RERE: variants seen among roughly 807,000 people sequenced by gnomAD.
RERE encodes the protein arginine-glutamic acid dipeptide repeats.
A neutral mutation model predicts 146.1 loss-of-function variants in RERE; 40 were observed. The ratio of observed to expected loss-of-function variants is 0.27; its 90% confidence interval spans 0.21 to 0.36. The LOEUF (loss-of-function observed/expected upper bound fraction) is 0.36, where lower values mean the gene tolerates loss of function less well. Ranked by LOEUF, RERE falls within the 10% of genes least tolerant of loss-of-function variation. RERE has a pLI of 1.00. For synonymous variants in RERE, 1,003 were observed against 866.0 expected, an observed-to-expected ratio of 1.16 and a Z score of -2.78; for missense variants, 1,933 against 2,138.7, an observed-to-expected ratio of 0.90 and a Z score of 1.90.
chr1:8,623,541 A>G (rs1570528522), intron 3 of RERE, among the ~76,000 whole-genome samples: 4 of 152,222 alleles, frequency 2.6e-5, no homozygotes, highest in Admixed American at 2.0e-4. Context: ...TACTGAAAAC[A>G]GGCTGAAAAA....
At position 8,727,826 on chromosome 1, in the gene RERE, C is replaced by A. The variant is rs1326635424; in HGVS notation, c.-144-71385G>T. The stretch of plus-strand genomic sequence containing the variant: ...CTATTCTTAAAGGTCAGCAGTACTT[C>A]CCCAAAGGACAGGAATGCACCCCAA... On this transcript the variant is annotated intron_variant, in intron 1 of 22. Transcript: ENST00000400908. 2.0e-5 allele frequency among the ~76,000 whole-genome samples: 3 copies of A among 152,170 alleles called. No individual in the cohort carries two copies. The East Asian group carries it at 5.8e-4, about 29-fold the overall frequency.
In RERE at chr1:8,633,454, G is replaced by GACAC. The variant is rs375248484; in HGVS notation, c.326-9078_326-9075dup. On this transcript the variant is annotated intron_variant, in intron 2 of 22. Coordinates refer to ENST00000400908, the MANE Select transcript of RERE (RefSeq NM_001042681.2). Reference sequence around the variant, plus strand: ...ACGCACGTGCGCACGCACACACACAGACACACACACACACACACACACAAA... The same window carrying GACAC: ...ACGCACGTGCGCACGCACACACACAGACACACACACACACACACACACACACAAA... Among the ~76,000 whole-genome samples, 29 of 150,580 alleles carry GACAC rather than the reference G, an allele frequency of 1.9e-4. 1 individual carries two copies. The highest frequency in any genetic ancestry group is 6.4e-4 in the East Asian group (3 of 4,718).
At chr1:8,446,403 C>G (rs1405906764) in intron 11 of RERE, among the ~76,000 whole-genome samples, 1 of 152,148 alleles carries the variant, frequency 6.6e-6, no homozygotes, top group East Asian at 1.9e-4. Flanking sequence ...TTCTCTCTGG[C>G]TGCCCTTAAC....
At chr1:8,381,585 T>C (rs1642460693) in intron 12 of RERE, among the ~76,000 whole-genome samples, 1 of 152,232 alleles carries the variant, frequency 6.6e-6, no homozygotes, top group East Asian at 1.9e-4. Context: ...TTCAAGGTAA[T>C]TATTATTTCC....
intron 7 of RERE, among the ~76,000 whole-genome samples, chr1:8,530,464 T>C (rs905036636): frequency 2.0e-5 from 3 of 152,160 alleles, no homozygotes; most frequent in Non-Finnish European, 4.4e-5. Context: ...GTCTACAACG[T>C]TGTATTCATT....
chr1:8,495,312 ATT>A (rs111493554), intron 9 of RERE, 150 bp from the exon 10 acceptor site: 2,296 of 377,554 alleles, frequency 6.1e-3, no homozygotes, highest in Non-Finnish European at 7.4e-3. Flanking sequence ...CTCTGCTCCT[ATT>A]TTTTTTTTTT....
intron 4 of RERE, among the ~76,000 whole-genome samples, chr1:8,577,187 G>T (rs547492045): frequency 1.7e-3 from 250 of 151,366 alleles, no homozygotes; most frequent in Non-Finnish European, 2.4e-3. Flanking sequence ...ATGAAAGAAA[G>T]AAATTTCATA....
chr1:8,728,473 A>AC (rs1435147525), intron 1 of RERE, among the ~76,000 whole-genome samples: 1 of 152,070 alleles, frequency 6.6e-6, no homozygotes, highest in Non-Finnish European at 1.5e-5. Context: ...CAAAAAAAAA[A>AC]AAACCCTATT....
chr1:8,689,834 A>T (rs1463904946), intron 1 of RERE, among the ~76,000 whole-genome samples: 1 of 151,988 alleles, frequency 6.6e-6, no homozygotes, highest in Non-Finnish European at 1.5e-5. Context: ...TAAACTGTAA[A>T]TGTGGGAAAC....
intron 6 of RERE, among the ~76,000 whole-genome samples, chr1:8,547,645 T>C (rs1480183278): frequency 6.6e-6 from 1 of 152,180 alleles, no homozygotes; most frequent in Non-Finnish European, 1.5e-5. Context: ...TTCAAACTCA[T>C]TGTTAGTGAA....
chr1:8,668,695 G>C (rs527539077), intron 1 of RERE, among the ~76,000 whole-genome samples: 2 of 152,268 alleles, frequency 1.3e-5, no homozygotes, highest in Non-Finnish European at 2.9e-5. Context: ...TAAATGAAAA[G>C]AGCCAGTCAC....
At chr1:8,507,428 C>T (rs1402822195) in intron 8 of RERE, among the ~76,000 whole-genome samples, 2 of 152,170 alleles carry the variant, frequency 1.3e-5, no homozygotes, top group African/African-American at 4.8e-5. Context: ...TATTTTTTTG[C>T]AGACAGTCTC....
intron 11 of RERE, among the ~76,000 whole-genome samples, chr1:8,433,585 G>A (rs1441058738): frequency 1.5e-5 from 2 of 133,724 alleles, no homozygotes; most frequent in Non-Finnish European, 3.1e-5. Context: ...ACGGAGTCTC[G>A]CTCTGTCGCC....
chr1:8,397,134 A>C (rs1643082861), intron 12 of RERE, among the ~76,000 whole-genome samples: 1 of 152,254 alleles, frequency 6.6e-6, no homozygotes, highest in Admixed American at 6.5e-5. Flanking sequence ...GGTGCTCTGC[A>C]ACCACACTGC....
Position 8,406,283 on chromosome 1 carries a change from G to C in RERE, c.1284+16444C>G, listed in dbSNP as rs116963104. On this transcript the variant is annotated intron_variant, in intron 12 of 22. Coordinates refer to ENST00000400908, the MANE Select transcript of RERE (RefSeq NM_001042681.2). ...AGACAGGGTCTCACGATGTTGCCCA[G>C]ACTGGTCTCGAACTCCTGGGCTCAA... Among the ~76,000 whole-genome samples the C allele has an allele frequency of 1.8e-3, 271 of 152,114 alleles. 5 individuals are homozygous for C. The East Asian group carries it at 0.041, about 23-fold the overall frequency.
intron 4 of RERE, among the ~76,000 whole-genome samples, chr1:8,560,290 C>G (rs187042903): frequency 6.6e-6 from 1 of 152,292 alleles, no homozygotes; most frequent in Non-Finnish European, 1.5e-5. Flanking sequence ...CACTAATTGC[C>G]AGTAGCACCC....
chr1:8,475,174 G>A (rs1644737827), intron 10 of RERE, among the ~76,000 whole-genome samples: 1 of 152,126 alleles, frequency 6.6e-6, no homozygotes, highest in Non-Finnish European at 1.5e-5. Flanking sequence ...AGGAGTTCAA[G>A]ACCAGCCTGG....
intron 10 of RERE, among the ~76,000 whole-genome samples, chr1:8,486,319 A>C (rs1046806133): frequency 2.0e-5 from 3 of 152,218 alleles, no homozygotes; most frequent in Non-Finnish European, 1.5e-5. Flanking sequence ...AAAAGATTTC[A>C]AAATACTGAA....
intron 7 of RERE, chr1:8,511,994 A>G (rs1645343043): frequency 7.2e-6 from 1 of 138,734 alleles, no homozygotes; most frequent in East Asian, 2.1e-4. Flanking sequence ...TGACAGTATC[A>G]ACAGCTTGTA....
Sources: allele counts gnomAD v4.1 joint callset (sites outside exome capture counted in the v4.1 genomes callset), GRCh38; gene constraint gnomAD v4.1.1; transcripts MANE v1.5; gene names NCBI Gene and HGNC (gene_info 2026-07-23, HGNC 2026-07-21).